The following HNRNPR variants were observed in gnomAD, a reference collection of about 807,000 sequenced individuals.
The protein encoded by HNRNPR is heterogeneous nuclear ribonucleoprotein R.
Under a neutral mutation model 70.3 loss-of-function variants are expected in HNRNPR, and 4 were observed. The ratio of observed to expected loss-of-function variants is 0.06; its 90% CI spans 0.03 to 0.13. The LOEUF (loss-of-function observed/expected upper bound fraction) is 0.13, where lower values mean the gene tolerates loss of function less well. Among genes scored for constraint, HNRNPR ranks in the 10% least tolerant of loss-of-function variants. HNRNPR has a pLI of 1.00. For synonymous variants in HNRNPR, 241 were observed against 267.6 expected, an observed-to-expected ratio of 0.90 and a Z score of 0.97; for missense variants, 423 against 788.5, an observed-to-expected ratio of 0.54 and a Z score of 5.55.
intron 5 of HNRNPR, among the ~76,000 whole-genome samples, chr1:23,326,701 C>T (rs1440646793): frequency 6.6e-6 from 1 of 152,164 alleles, no homozygotes; most frequent in Non-Finnish European, 1.5e-5. Context: ...AGGATAATTG[C>T]TTGAACCTGA....
Position 23,308,294 on chromosome 1 carries a change from G to C in HNRNPR, c.*2160C>G, listed in dbSNP as rs953259566. On this transcript the variant is annotated 3_prime_UTR_variant, in exon 11 of 11. Coordinates refer to ENST00000302271, the MANE Select transcript of HNRNPR (RefSeq NM_005826.5). ...GTTTTAATCTTATGTTTTTGCGAGG[G>C]TTTGTTTTCTCAGAATCATTTCTAT... The C allele has an allele frequency of 6.6e-6, 1 of 151,982 alleles. No homozygotes were observed. Among genetic ancestry groups the C allele is most frequent in the African/African-American group, 2.4e-5 (1 of 41,418 alleles). 9.4% of individuals were successfully genotyped at this position (151,982 alleles called of 1,614,324 possible). A position where few individuals can be genotyped will look rare whatever the true frequency, so the allele number is the denominator to read the frequency against.
rs1295111478 is a variant in HNRNPR, at chr1:23,307,448, C to T, written c.*3006G>A. The T allele has an allele frequency of 6.6e-6, 1 of 151,974 alleles. No homozygotes were observed. The highest frequency in any genetic ancestry group is 1.5e-5 in the Non-Finnish European group (1 of 67,944). The allele number at this position is 151,974 out of a possible 1,614,324, so 9.4% of individuals were successfully genotyped here. ...CAAAAGAGAGAAAAATTATCTCCTA[C>T]TATCAGAAAGCATTGGGCTTTCTTA... On this transcript the variant is annotated 3_prime_UTR_variant, in exon 11 of 11. Coordinates refer to ENST00000302271, the MANE Select transcript of HNRNPR (RefSeq NM_005826.5).
chr1:23,332,256 A>G (rs1646264537), intron 5 of HNRNPR, among the ~76,000 whole-genome samples: 1 of 152,182 alleles, frequency 6.6e-6, no homozygotes, highest in South Asian at 2.1e-4. Flanking sequence ...TCAAGTATGG[A>G]CTAACATACT....
chr1:23,323,326 T>C (rs1019766176), intron 6 of HNRNPR, among the ~76,000 whole-genome samples: 2 of 152,204 alleles, frequency 1.3e-5, no homozygotes, highest in Non-Finnish European at 2.9e-5. Flanking sequence ...ATAGATAACT[T>C]CTTAAATCAA....
In HNRNPR at chr1:23,341,013, T is replaced by A; in HGVS notation, c.-5A>T. ...ACCATTCACCTGATTAGCCATTTTA[T>A]TATGCTGCTGGAAAAAATTCAGGAG... On this transcript the variant is annotated 5_prime_UTR_variant, in exon 2 of 11. Coordinates refer to ENST00000302271, the MANE Select transcript of HNRNPR (RefSeq NM_005826.5). The A allele has an allele frequency of 6.2e-7, 1 of 1,602,866 alleles. No individual in the cohort carries two copies. The highest frequency in any genetic ancestry group is 1.1e-5 in the South Asian group (1 of 88,448).
intron 5 of HNRNPR, among the ~76,000 whole-genome samples, chr1:23,325,855 CT>C (rs1280892674): frequency 6.6e-6 from 1 of 152,112 alleles, no homozygotes; most frequent in Non-Finnish European, 1.5e-5. Context: ...TTTCCTTTCA[CT>C]GATAAATGTT....
rs1645200325 is a variant in HNRNPR at position 23,306,205 on chromosome 1, C to T, written c.*4249G>A. The T allele has an allele frequency of 6.6e-6, 1 of 152,140 alleles. No homozygotes were observed. Among genetic ancestry groups the T allele is most frequent in the Non-Finnish European group, 1.5e-5 (1 of 68,028 alleles). The allele number at this position is 152,140 out of a possible 1,614,324, so 9.4% of individuals were successfully genotyped here. On this transcript the variant is annotated 3_prime_UTR_variant, in exon 11 of 11. Transcript: ENST00000302271. The stretch of plus-strand genomic sequence containing the variant: ...ACCCTGAGTATTTCATTACTTCATA[C>T]TTGCAGGCCTTTCCTGCTGATCTGC...
At chr1:23,314,463 G>A (rs1175966844) in intron 8 of HNRNPR, among the ~76,000 whole-genome samples, 3 of 152,234 alleles carry the variant, frequency 2.0e-5, no homozygotes, top group South Asian at 2.1e-4. Flanking sequence ...ATCACAAACA[G>A]CTAATCTCTC....
chr1:23,323,249 T>C (rs1430487522), intron 6 of HNRNPR, among the ~76,000 whole-genome samples: 3 of 152,028 alleles, frequency 2.0e-5, no homozygotes, highest in Non-Finnish European at 2.9e-5. Context: ...TGACATCCTT[T>C]TGCCTAAAAC....
At chr1:23,343,019 C>T (rs747371881) in intron 1 of HNRNPR, among the ~76,000 whole-genome samples, 72 of 152,268 alleles carry the variant, frequency 4.7e-4, no homozygotes, top group South Asian at 2.1e-3. Context: ...GGAAAGCCCT[C>T]TCTCTTCAAG....
chr1:23,306,043 G>C lies in HNRNPR; in HGVS notation c.*4411C>G, dbSNP rs553159861. The stretch of plus-strand genomic sequence containing the variant: ...TAGTGTGCAATAAATATCTCTTTAA[G>C]ATGCATTATATGTTAATCTATCCAA... On this transcript the variant is annotated 3_prime_UTR_variant, in exon 11 of 11. Transcript: ENST00000302271. 1.3e-5 allele frequency: 2 copies of C among 152,176 alleles called. No homozygotes were observed. Among genetic ancestry groups the C allele is most frequent in the Admixed American group, 1.3e-4 (2 of 15,284 alleles). The allele number at this position is 152,176 out of a possible 1,614,324, so 9.4% of individuals were successfully genotyped here.
chr1:23,328,939 C>G (rs1297878338), intron 5 of HNRNPR, among the ~76,000 whole-genome samples: 1 of 152,052 alleles, frequency 6.6e-6, no homozygotes, highest in Non-Finnish European at 1.5e-5. Flanking sequence ...AGCAACAAAG[C>G]GAGACCCTGC....
At chr1:23,338,399 A>C in intron 3 of HNRNPR, 91 bp downstream of exon 3, 1 of 557,946 alleles carries the variant, frequency 1.8e-6, no homozygotes, top group Non-Finnish European at 3.1e-6. Flanking sequence ...GTCACAAACA[A>C]AAAATACCAC....
At chr1:23,312,869 C>A (rs763760818) in intron 9 of HNRNPR, among the ~76,000 whole-genome samples, 1 of 151,992 alleles carries the variant, frequency 6.6e-6, no homozygotes, top group African/African-American at 2.4e-5. Context: ...TCCCACCCCC[C>A]CAAGGAAGGA....
At chr1:23,340,808 C>G (rs1646681102) in intron 2 of HNRNPR, 44 bp downstream of exon 2, 1 of 1,486,632 alleles carries the variant, frequency 6.7e-7, no homozygotes, top group African/African-American at 1.4e-5. Context: ...AGTGGTTTGC[C>G]CTCACTTTCA....
chr1:23,313,526 C>A, intron 9 of HNRNPR, 27 bp downstream of exon 9: 3 of 1,500,102 alleles, frequency 2.0e-6, no homozygotes, highest in Non-Finnish European at 2.7e-6. Flanking sequence ...ATTCAAATAT[C>A]AAGAACCAAA....
Position 23,318,743 on chromosome 1 carries a change from G to C in HNRNPR, c.812-55C>G, listed in dbSNP as rs572260962. 23 of 1,552,092 alleles carry C rather than the reference G, an allele frequency of 1.5e-5. No homozygotes were observed. The South Asian group carries it at 2.5e-4, about 17-fold the overall frequency. On this transcript the variant is annotated intron_variant, in intron 7 of 10. Transcript: ENST00000302271. The surrounding 1 kb of genome is among the most constrained non-coding windows in gnomAD (Gnocchi z 4.2). The stretch of plus-strand genomic sequence containing the variant: ...CAAAAGCATCCACCACACATCTAGC[G>C]ATTAGGCAGACCTAAATCCACTTGA...
At chr1:23,333,187 G>A (rs1420140124) in intron 5 of HNRNPR, among the ~76,000 whole-genome samples, 1 of 151,858 alleles carries the variant, frequency 6.6e-6, no homozygotes, top group African/African-American at 2.4e-5. Context: ...CATCTCAGGG[G>A]AGGGGAAAAA....
intron 4 of HNRNPR, among the ~76,000 whole-genome samples, chr1:23,334,923 GTTT>G (rs922757473): frequency 2.1e-5 from 3 of 145,346 alleles, no homozygotes; most frequent in Non-Finnish European, 4.6e-5. Context: ...AGTTTTTTTG[GTTT>G]TTTTTTTTTG....
Sources: gnomAD v4.1 joint callset for allele counts (sites outside exome capture counted in the v4.1 genomes callset) on GRCh38, gnomAD v4.1.1 for gene constraint, Gnocchi (gnomAD v3.1) non-coding constraint, MANE v1.5 for transcripts, NCBI Gene and HGNC (gene_info 2026-07-23, HGNC 2026-07-21) for gene names.